The following ENAH variants were observed in gnomAD, a reference collection of about 807,000 sequenced individuals.
ENAH encodes the protein protein enabled homolog.
Under a neutral mutation model 78.7 loss-of-function variants are expected in ENAH, and 23 were observed. The observed-to-expected ratio is 0.29, with a 90% confidence interval of 0.21 to 0.41. The LOEUF is 0.41. Among genes scored for constraint, ENAH ranks in the 10% least tolerant of loss-of-function variants. The pLI, the probability that ENAH is intolerant of heterozygous loss-of-function variation, is 1.00. For missense variants in ENAH, 544 were observed against 691.0 expected (o/e 0.79, Z 2.39); for synonymous variants, 226 against 241.0 (o/e 0.94, Z 0.58).
chr1:225,564,899 G>C (rs984206939), intron 2 of ENAH, among the ~76,000 whole-genome samples: 2 of 151,636 alleles, frequency 1.3e-5, no homozygotes, highest in East Asian at 1.9e-4. Context: ...GTCCATCTAA[G>C]GACAGCTTAG....
intron 1 of ENAH, among the ~76,000 whole-genome samples, chr1:225,568,989 G>A: frequency 6.6e-6 from 1 of 152,212 alleles, no homozygotes; most frequent in South Asian, 2.1e-4. Flanking sequence ...ATACTTCTGG[G>A]AATGAAAACA....
Position 225,519,306 on chromosome 1 carries a change from G to C in ENAH, c.694C>G (p.Arg232Gly), listed in dbSNP as rs200650081. 2.5e-6 allele frequency: 4 copies of C among 1,612,856 alleles called. No individual in the cohort carries two copies. Among genetic ancestry groups the C allele is most frequent in the Admixed American group, 3.3e-5 (2 of 59,966 alleles). ...CGTTCCAGTCTCTCCAGCCTCTCTCGTTCTTGTCTTTCTTGCCTCTCCCGA... is the reference window on the plus strand; with the variant it reads ...CGTTCCAGTCTCTCCAGCCTCTCTCCTTCTTGTCTTTCTTGCCTCTCCCGA... ...LDRERQERQERERLERLERER... is the reference protein window; with the variant it reads ...LDRERQERQEGERLERLERER... The change falls in exon 5 of 14, where the codon CGA (arginine) becomes GGA (glycine). Residue 232 changes from arginine to glycine, a missense_variant. This residue lies in a region of ENAH where 366 missense variants were observed against 396.1 expected (regional missense o/e 0.92). Transcript: ENST00000366843.
At position 225,512,662 on chromosome 1, in the gene ENAH, T is replaced by G. The variant is rs2096386619; in HGVS notation, c.1417A>C (p.Lys473Gln). ...STIETEQKEDKGEDSEPVTSK... is the reference protein window; with the variant it reads ...STIETEQKEDQGEDSEPVTSK... ...GACTATCTTTATTAACTTACACCTT[T>G]GTCCTCTTTTTGTTCTGTTTCTATT... The change falls in exon 9 of 14, where the codon AAA becomes CAA. Residue 473 changes from lysine (K) to glutamine (Q), a missense_variant. By Grantham distance (53) the Lys-to-Gln change is moderately conservative. Transcript: ENST00000366843. The G allele has an allele frequency of 2.5e-6, 4 of 1,613,318 alleles. No individual in the cohort carries two copies. The highest frequency in any genetic ancestry group is 2.5e-6 in the Non-Finnish European group (3 of 1,179,560).
intron 1 of ENAH, among the ~76,000 whole-genome samples, chr1:225,614,000 C>T (rs1575725131): frequency 6.6e-6 from 1 of 152,250 alleles, no homozygotes; most frequent in South Asian, 2.1e-4. Context: ...GTTTAATTTG[C>T]TAGAGCAGCT....
intron 10 of ENAH, among the ~76,000 whole-genome samples, chr1:225,509,889 C>T (rs2096363043): frequency 6.6e-6 from 1 of 152,180 alleles, no homozygotes; most frequent in Non-Finnish European, 1.5e-5. Flanking sequence ...AAATATCACA[C>T]CTTCCCCTCA....
At chr1:225,646,024 T>C (rs1022344736) in intron 1 of ENAH, among the ~76,000 whole-genome samples, 5 of 152,158 alleles carry the variant, frequency 3.3e-5, no homozygotes, top group African/African-American at 1.2e-4. Context: ...TTCTAGAAAA[T>C]TTAACGGATA....
Position 225,495,368 on chromosome 1 carries a change from G to A in ENAH, c.*2407C>T, listed in dbSNP as rs1384340606. 6.6e-6 allele frequency: 1 copy of A among 151,096 alleles called. No individual in the cohort carries two copies. 9.4% of individuals were successfully genotyped at this position (151,096 alleles called of 1,614,324 possible). On this transcript the variant is annotated 3_prime_UTR_variant, in exon 14 of 14. Coordinates refer to ENST00000366843, the MANE Select transcript of ENAH (RefSeq NM_018212.6). ...AATGACACAACTGTCATGTATGATA[G>A]CAAATGTATATAATAATTCATTCAG...
chr1:225,528,991 G>A (rs1221330476), intron 4 of ENAH, among the ~76,000 whole-genome samples: 1 of 151,796 alleles, frequency 6.6e-6, no homozygotes, highest in Non-Finnish European at 1.5e-5. Flanking sequence ...TCACCTGGGG[G>A]AAGCCACCAT....
chr1:225,547,914 C>T (rs1164087034), intron 3 of ENAH, among the ~76,000 whole-genome samples: 2 of 152,178 alleles, frequency 1.3e-5, no homozygotes, highest in Non-Finnish European at 2.9e-5. Flanking sequence ...CCCCTTCACA[C>T]ACCCAATACA....
intron 12 of ENAH, among the ~76,000 whole-genome samples, chr1:225,500,635 T>C (rs1313055835): frequency 2.0e-5 from 3 of 152,210 alleles, no homozygotes; most frequent in Non-Finnish European, 4.4e-5. Context: ...CCTGTTTCCT[T>C]GCACTCTTGC....
chr1:225,610,570 T>C (rs966570369), intron 1 of ENAH, among the ~76,000 whole-genome samples: 1 of 152,094 alleles, frequency 6.6e-6, no homozygotes, highest in East Asian at 1.9e-4. Flanking sequence ...ATTATGTGAC[T>C]CAAGAGAGCT....
At chr1:225,565,234 A>G (rs148408884) in intron 2 of ENAH, among the ~76,000 whole-genome samples, 6,551 of 152,174 alleles carry the variant, frequency 0.043, 229 homozygotes, top group South Asian at 0.11. Context: ...CCAGGAGTTC[A>G]AAACCAGCCT....
At chr1:225,519,080 C>T (rs922324744) in intron 5 of ENAH, 118 bp downstream of exon 5, 11 of 1,441,126 alleles carry the variant, frequency 7.6e-6, no homozygotes, top group Non-Finnish European at 1.0e-5. Context: ...TTCATAATTT[C>T]AAATTGTATG....
intron 1 of ENAH, among the ~76,000 whole-genome samples, chr1:225,623,557 A>C (rs1226820028): frequency 4.6e-5 from 7 of 150,666 alleles, no homozygotes. Context: ...TTGTGAACAT[A>C]GTACCCGACA....
chr1:225,590,564 A>G (rs1217253215), intron 1 of ENAH, among the ~76,000 whole-genome samples: 1 of 152,194 alleles, frequency 6.6e-6, no homozygotes, highest in African/African-American at 2.4e-5. Context: ...TAGATATCAT[A>G]CATACCTCAA....
In ENAH at chr1:225,491,786, G is replaced by A. The variant is rs1575266147; in HGVS notation, c.*5989C>T. 6.6e-6 allele frequency: 1 copy of A among 152,110 alleles called. No homozygotes were observed. Among genetic ancestry groups the A allele is most frequent in the Non-Finnish European group, 1.5e-5 (1 of 68,008 alleles). The allele number at this position is 152,110 out of a possible 1,614,324, so 9.4% of individuals were successfully genotyped here. On this transcript the variant is annotated 3_prime_UTR_variant, in exon 14 of 14. Coordinates refer to ENST00000366843, the MANE Select transcript of ENAH (RefSeq NM_018212.6). ...TCAAAGTACCAACTATTCAATTCTC[G>A]ATTTTCTAAGCCTTCTTAGAAGAAT...
rs182385090 is a variant in ENAH, at chr1:225,541,538, C to T, written c.350-10900G>A. Among the ~76,000 whole-genome samples the T allele has an allele frequency of 1.4e-4, 22 of 152,180 alleles. No homozygotes were observed. The East Asian group carries it at 4.2e-3, about 29-fold the overall frequency. Reference sequence around the variant, plus strand: ...AATTGTACCCTTTAAATGGGTAAACCGTATGGTATGTGAAGTAAAGCTCGA... The same window carrying T: ...AATTGTACCCTTTAAATGGGTAAACTGTATGGTATGTGAAGTAAAGCTCGA... On this transcript the variant is annotated intron_variant, in intron 3 of 13. Transcript: ENST00000366843.
At chr1:225,518,992 CTTT>C in intron 5 of ENAH, 2 of 792,310 alleles carry the variant, frequency 2.5e-6, no homozygotes. Context: ...CAAGAGCTTT[CTTT>C]AAGTCTCCAA....
At chr1:225,498,452 T>A in intron 12 of ENAH, 48 bp from the exon 13 acceptor site, 2 of 1,171,994 alleles carry the variant, frequency 1.7e-6, no homozygotes, top group Non-Finnish European at 2.5e-6. Context: ...AAATTACCAC[T>A]AAAGAGATTC....
Sources: gnomAD v4.1 joint callset for allele counts (sites outside exome capture counted in the v4.1 genomes callset) on GRCh38, gnomAD v4.1.1 for gene constraint, gnomAD v4.1.1 regional missense constraint, MANE v1.5 for transcripts, NCBI Gene and HGNC (gene_info 2026-07-23, HGNC 2026-07-21) for gene names.